The following ADD3 variants were observed in gnomAD, a reference collection of about 807,000 sequenced individuals.
ADD3 encodes adducin 3.
A neutral mutation model predicts 80.2 loss-of-function variants in ADD3; 25 were observed. The ratio of observed to expected loss-of-function variants is 0.31; its 90% CI spans 0.23 to 0.44. ADD3 has a LOEUF of 0.44. Among genes scored for constraint, ADD3 ranks in the 20% least tolerant of loss-of-function variants. ADD3 has a pLI of 1.00. For missense variants in ADD3, 829 were observed against 847.5 expected (o/e 0.98, Z 0.27); for synonymous variants, 284 against 289.6 (o/e 0.98, Z 0.20).
chr10:110,023,091 G>T (rs1420867142), intron 1 of ADD3, among the ~76,000 whole-genome samples: 1 of 152,190 alleles, frequency 6.6e-6, no homozygotes, highest in Non-Finnish European at 1.5e-5. Flanking sequence ...GAGAGAGAGT[G>T]TGTTGGCAAA....
At chr10:110,026,455 T>C (rs1229990437) in intron 1 of ADD3, among the ~76,000 whole-genome samples, 2 of 152,030 alleles carry the variant, frequency 1.3e-5, no homozygotes, top group African/African-American at 4.8e-5. Context: ...TAATTTTGTA[T>C]TTTTAGTAGA....
At chr10:110,097,025 C>T (rs1363862842) in intron 1 of ADD3, among the ~76,000 whole-genome samples, 1 of 152,186 alleles carries the variant, frequency 6.6e-6, no homozygotes, top group Admixed American at 6.5e-5. Context: ...GGGTATTTTT[C>T]TCAGTCTGTG....
At chr10:110,048,071 T>C (rs916971437) in intron 1 of ADD3, among the ~76,000 whole-genome samples, 12 of 152,146 alleles carry the variant, frequency 7.9e-5, no homozygotes, top group Non-Finnish European at 1.6e-4. Context: ...AGTTAAATCG[T>C]GGGGGCAGTT....
intron 1 of ADD3, among the ~76,000 whole-genome samples, chr10:110,010,061 T>C (rs1335177939): frequency 6.6e-6 from 1 of 152,236 alleles, no homozygotes; most frequent in Non-Finnish European, 1.5e-5. Flanking sequence ...TTCAATATTA[T>C]GCTGGCATGA....
intron 4 of ADD3, 41 bp downstream of exon 4, chr10:110,116,451 A>C: frequency 6.2e-7 from 1 of 1,604,620 alleles, no homozygotes; most frequent in Non-Finnish European, 8.5e-7. Flanking sequence ...AAAAAATTCC[A>C]GCTAGAAGGC....
At chr10:110,056,392 G>C (rs886186838) in intron 1 of ADD3, among the ~76,000 whole-genome samples, 2 of 152,120 alleles carry the variant, frequency 1.3e-5, no homozygotes, top group African/African-American at 4.8e-5. Context: ...ACAAAAGCAG[G>C]AAAGTGCAAT....
At chr10:110,129,150 C>CTTTTTTTT (rs746835809) in intron 12 of ADD3, among the ~76,000 whole-genome samples, 1 of 138,310 alleles carries the variant, frequency 7.2e-6, no homozygotes. Context: ...TTCTTTCTTT[C>CTTTTTTTT]TTTTTTTTTT....
intron 1 of ADD3, among the ~76,000 whole-genome samples, chr10:110,020,214 G>C (rs1482888692): frequency 1.3e-5 from 2 of 152,096 alleles, no homozygotes; most frequent in Non-Finnish European, 2.9e-5. Context: ...CAATTATTAT[G>C]TGTCAGGTTC....
intron 1 of ADD3, among the ~76,000 whole-genome samples, chr10:110,097,152 A>T (rs578062553): frequency 6.6e-6 from 1 of 152,282 alleles, no homozygotes; most frequent in South Asian, 2.1e-4. Flanking sequence ...TGTTACTTTG[A>T]GTTTTGAGGG....
intron 1 of ADD3, among the ~76,000 whole-genome samples, chr10:110,043,761 C>G (rs977847752): frequency 6.6e-6 from 1 of 152,114 alleles, no homozygotes; most frequent in Admixed American, 6.5e-5. Context: ...GAAATAGATT[C>G]TTTTCTCAAG....
At chr10:110,039,660 C>G (rs775076613) in intron 1 of ADD3, among the ~76,000 whole-genome samples, 3 of 152,210 alleles carry the variant, frequency 2.0e-5, no homozygotes, top group Non-Finnish European at 2.9e-5. Flanking sequence ...AGACAACAAA[C>G]ATTATCTCAC....
At chr10:110,108,832 G>A (rs2134016572) in intron 2 of ADD3, among the ~76,000 whole-genome samples, 1 of 152,156 alleles carries the variant, frequency 6.6e-6, no homozygotes, top group Non-Finnish European at 1.5e-5. Context: ...GAAGCACTGT[G>A]AACTGTAAAC....
At chr10:110,111,382 G>A (rs1014797898) in intron 2 of ADD3, among the ~76,000 whole-genome samples, 1 of 152,218 alleles carries the variant, frequency 6.6e-6, no homozygotes, top group Non-Finnish European at 1.5e-5. Flanking sequence ...CTTAATAAGT[G>A]TTGGTTGGGT....
chr10:110,120,669 A>C (rs1163487661), intron 8 of ADD3, among the ~76,000 whole-genome samples: 1 of 152,156 alleles, frequency 6.6e-6, no homozygotes, highest in Admixed American at 6.5e-5. Context: ...ACAATGGTTG[A>C]ACTAGAGAGC....
chr10:110,058,578 C>T (rs1257323311), intron 1 of ADD3, among the ~76,000 whole-genome samples: 2 of 152,144 alleles, frequency 1.3e-5, no homozygotes, highest in African/African-American at 2.4e-5. Context: ...GTGCTCTCCT[C>T]TGATGTAAAG....
At chr10:110,069,838 G>C (rs1247720632) in intron 1 of ADD3, among the ~76,000 whole-genome samples, 2 of 152,128 alleles carry the variant, frequency 1.3e-5, no homozygotes, top group Non-Finnish European at 2.9e-5. Context: ...AATGGCTTTT[G>C]AGTTTCTTTT....
chr10:110,076,079 C>T (rs764868036), intron 1 of ADD3, among the ~76,000 whole-genome samples: 35 of 152,118 alleles, frequency 2.3e-4, no homozygotes, highest in Admixed American at 1.4e-3. Flanking sequence ...AATCCTTTTC[C>T]ATTGTTCATT....
intron 1 of ADD3, among the ~76,000 whole-genome samples, chr10:109,998,753 C>G (rs1230206506): frequency 6.6e-6 from 1 of 152,122 alleles, no homozygotes; most frequent in Non-Finnish European, 1.5e-5. Context: ...GTCTCTCCAG[C>G]TGCCGACTAC....
At chr10:110,112,200 A>G (rs1850124124) in intron 2 of ADD3, 1 of 151,706 alleles carries the variant, frequency 6.6e-6, no homozygotes, top group Non-Finnish European at 1.5e-5. Context: ...GGCTCACCAC[A>G]TCCTCCTCCT....
Sources: allele counts gnomAD v4.1 joint callset (sites outside exome capture counted in the v4.1 genomes callset), GRCh38; gene constraint gnomAD v4.1.1; transcripts MANE v1.5; gene names NCBI Gene and HGNC (gene_info 2026-07-23, HGNC 2026-07-21).